Variants in NLGN4X observed in about 807,000 individuals in gnomAD.
NLGN4X encodes the protein neuroligin-4, X-linked.
NLGN4X carries 3 observed loss-of-function variants against 40.3 expected under a neutral mutation model. That is an observed-to-expected ratio of 0.07 (90% confidence interval 0.03 to 0.19). The LOEUF (loss-of-function observed/expected upper bound fraction) is 0.19, where lower values mean the gene tolerates loss of function less well. Among genes scored for constraint, NLGN4X ranks in the 10% least tolerant of loss-of-function variants. NLGN4X has a pLI of 1.00. For synonymous variants in NLGN4X, 270 were observed against 306.8 expected (o/e 0.88, Z 1.25); for missense variants, 382 against 708.3 (o/e 0.54, Z 5.23).
chrX:5,946,633 G>A (rs777246339), intron 3 of NLGN4X, among the ~76,000 whole-genome samples: 1 of 111,452 alleles, frequency 9.0e-6, no homozygotes, highest in Non-Finnish European at 1.9e-5. Flanking sequence ...TTTCTCTGAG[G>A]TGAAACTCAG....
intron 3 of NLGN4X, among the ~76,000 whole-genome samples, chrX:5,952,451 C>G (rs1056511753): frequency 9.2e-6 from 1 of 108,863 alleles, no homozygotes; most frequent in African/African-American, 3.4e-5. Context: ...GGCTGCTTCT[C>G]ATTTCCTGTA....
intron 1 of NLGN4X, among the ~76,000 whole-genome samples, chrX:6,208,971 G>C (rs1924311490): frequency 8.9e-6 from 1 of 112,304 alleles, no homozygotes; most frequent in Non-Finnish European, 1.9e-5. Flanking sequence ...CAAAGATATG[G>C]AATCCAGCTA....
intron 3 of NLGN4X, among the ~76,000 whole-genome samples, chrX:5,976,264 G>A (rs1018581907): frequency 8.9e-6 from 1 of 111,973 alleles, no homozygotes; most frequent in Non-Finnish European, 1.9e-5. Context: ...AAAGAGAAAC[G>A]GACTATGTTC....
chrX:6,112,526 G>A (rs2039174288), intron 2 of NLGN4X, among the ~76,000 whole-genome samples: 1 of 108,923 alleles, frequency 9.2e-6, no homozygotes, highest in African/African-American at 3.3e-5. Context: ...AATTTCTGTA[G>A]ATACTCTGCC....
At chrX:6,127,219 A>C (rs976842844) in intron 2 of NLGN4X, among the ~76,000 whole-genome samples, 2 of 111,744 alleles carry the variant, frequency 1.8e-5, no homozygotes, top group Non-Finnish European at 3.8e-5. Context: ...GCAACTTCAC[A>C]TAAGGACTCC....
At chrX:5,927,323 C>T (rs1050488958) in intron 3 of NLGN4X, among the ~76,000 whole-genome samples, 18 of 112,018 alleles carry the variant, frequency 1.6e-4, no homozygotes, top group African/African-American at 5.8e-4. Flanking sequence ...TGAATCCCTA[C>T]AGCCAACGTT....
chrX:5,905,506 C>T (rs1469259367), intron 4 of NLGN4X, among the ~76,000 whole-genome samples: 2 of 111,982 alleles, frequency 1.8e-5, no homozygotes, highest in Non-Finnish European at 3.8e-5. Flanking sequence ...TGAGTAAATA[C>T]ATATGGTTCA....
At chrX:6,200,687 C>CTTTTTTTTTTCCT (rs1556005145) in intron 1 of NLGN4X, among the ~76,000 whole-genome samples, 1 of 55,575 alleles carries the variant, frequency 1.8e-5, no homozygotes, top group African/African-American at 8.7e-5. Context: ...CTTTCCTTTT[C>CTTTTTTTTTTCCT]TTTTTTTTTT....
At chrX:6,151,803 GAAGCC>G in intron 1 of NLGN4X, 32 bp from the exon 2 acceptor site, 9 of 295,069 alleles carry the variant, frequency 3.1e-5, no homozygotes, top group Admixed American at 5.1e-5. Context: ...CAAGAATAAT[GAAGCC>G]ACACAACGAC....
intron 2 of NLGN4X, among the ~76,000 whole-genome samples, chrX:6,046,771 TTAA>T (rs2037328870): frequency 9.1e-6 from 1 of 109,448 alleles, no homozygotes; most frequent in South Asian, 3.8e-4. Context: ...TTTTATCACA[TTAA>T]TGTTATATAT....
chrX:5,956,175 TTAATC>T (rs1402659888), intron 3 of NLGN4X, among the ~76,000 whole-genome samples: 1 of 108,034 alleles, frequency 9.3e-6, no homozygotes, highest in Non-Finnish European at 1.9e-5. Flanking sequence ...ATATATATAT[TTAATC>T]TATATGTGTG....
At chrX:5,914,523 T>A (rs768826473) in intron 3 of NLGN4X, among the ~76,000 whole-genome samples, 3 of 110,618 alleles carry the variant, frequency 2.7e-5, no homozygotes, top group Admixed American at 9.7e-5. Context: ...AACCAGGAGA[T>A]AATTAAGTGA....
intron 3 of NLGN4X, among the ~76,000 whole-genome samples, chrX:5,978,447 A>T (rs2035278179): frequency 9.1e-6 from 1 of 109,752 alleles, no homozygotes; most frequent in African/African-American, 3.3e-5. Context: ...TAAATCACAC[A>T]AACTAGTGGA....
At chrX:5,985,602 A>G (rs2035511040) in intron 3 of NLGN4X, among the ~76,000 whole-genome samples, 1 of 111,668 alleles carries the variant, frequency 9.0e-6, no homozygotes, top group Non-Finnish European at 1.9e-5. Flanking sequence ...ATGATTTTTT[A>G]AAAAGCAATT....
intron 3 of NLGN4X, among the ~76,000 whole-genome samples, chrX:6,014,542 T>A (rs1489025613): frequency 8.9e-6 from 1 of 111,781 alleles, no homozygotes; most frequent in Non-Finnish European, 1.9e-5. Context: ...AAGTAAGGAA[T>A]GTTTTTCGTG....
intron 3 of NLGN4X, among the ~76,000 whole-genome samples, chrX:5,991,921 T>C (rs2035695397): frequency 8.9e-6 from 1 of 111,752 alleles, no homozygotes; most frequent in South Asian, 3.7e-4. Flanking sequence ...TTTCTACGAG[T>C]AGGATTATTT....
chrX:5,942,917 C>T (rs60682343), intron 3 of NLGN4X, among the ~76,000 whole-genome samples: 7,982 of 110,756 alleles, frequency 0.072, 719 homozygotes, highest in African/African-American at 0.25. Context: ...CCAAGATTCT[C>T]GTTCCCCTGG....
At chrX:6,149,060 T>G (rs1029796773) in intron 2 of NLGN4X, among the ~76,000 whole-genome samples, 2 of 112,395 alleles carry the variant, frequency 1.8e-5, no homozygotes, top group African/African-American at 6.5e-5. Flanking sequence ...CCTAAAGATC[T>G]AAACAAGTGG....
At chrX:6,015,682 C>T (rs181108621) in intron 3 of NLGN4X, among the ~76,000 whole-genome samples, 1 of 111,670 alleles carries the variant, frequency 9.0e-6, no homozygotes, top group Non-Finnish European at 1.9e-5. Context: ...TTGAAACGAA[C>T]CCTTCTTCAC....
Sources: allele counts gnomAD v4.1 joint callset (sites outside exome capture counted in the v4.1 genomes callset), GRCh38; gene constraint gnomAD v4.1.1; transcripts MANE v1.5; gene names NCBI Gene and HGNC (gene_info 2026-07-23, HGNC 2026-07-21).